The following GABRG3 variants were observed in gnomAD, a reference collection of about 807,000 sequenced individuals.
The protein encoded by GABRG3 is gamma-aminobutyric acid type A receptor subunit gamma3.
A neutral mutation model predicts 48.8 loss-of-function variants in GABRG3; 25 were observed. The ratio of observed to expected loss-of-function variants is 0.51; its 90% confidence interval spans 0.37 to 0.72. The LOEUF is 0.72. Among genes scored for constraint, GABRG3 ranks in the 30% least tolerant of loss-of-function variants. GABRG3 has a pLI of 0.00. For synonymous variants in GABRG3, 227 were observed against 217.6 expected (o/e 1.04, Z -0.38); for missense variants, 394 against 577.9 (o/e 0.68, Z 3.26).
At chr15:27,004,445 A>G (rs1000592324) in intron 2 of GABRG3, among the ~76,000 whole-genome samples, 12 of 147,650 alleles carry the variant, frequency 8.1e-5, no homozygotes, top group Non-Finnish European at 1.3e-4. Context: ...CCGGGCAGAG[A>G]CGCTCCCCAC....
intron 3 of GABRG3, among the ~76,000 whole-genome samples, chr15:27,040,633 C>T (rs1260780874): frequency 6.6e-6 from 1 of 152,242 alleles, no homozygotes; most frequent in East Asian, 1.9e-4. Flanking sequence ...CTCCCATCCT[C>T]TCTCATAATA....
chr15:27,350,545 G>C, intron 5 of GABRG3: 1 of 228,102 alleles, frequency 4.4e-6, no homozygotes, highest in Non-Finnish European at 8.9e-6. Flanking sequence ...TGGGAGAGCA[G>C]TTACCCACAG....
intron 3 of GABRG3, among the ~76,000 whole-genome samples, chr15:27,213,021 A>C (rs1469636252): frequency 6.6e-6 from 1 of 152,118 alleles, no homozygotes; most frequent in Non-Finnish European, 1.5e-5. Context: ...TACTTTAACA[A>C]TTCCTCTCTA....
In GABRG3 at chr15:27,319,208, A is replaced by G. The variant is rs1468555678; in HGVS notation, c.271-7601A>G. Among the ~76,000 whole-genome samples, 2 of 152,220 alleles carry G rather than the reference A, an allele frequency of 1.3e-5. No individual in the cohort carries two copies. Among genetic ancestry groups the G allele is most frequent in the Non-Finnish European group, 2.9e-5 (2 of 68,034 alleles). On this transcript the variant is annotated intron_variant, in intron 3 of 9. Transcript: ENST00000615808. This position sits in a 1 kb window ranked among gnomAD's most constrained non-coding sequence, Gnocchi z 4.4. ...AATTTTTATTTGTCAATTCTAGCTC[A>G]GTAAAGCCAGGGGGAAAAAAATGTC...
intron 3 of GABRG3, among the ~76,000 whole-genome samples, chr15:27,055,965 A>T (rs1323264141): frequency 6.6e-6 from 1 of 152,240 alleles, no homozygotes; most frequent in Non-Finnish European, 1.5e-5. Flanking sequence ...TGACACTTTG[A>T]TACATGTATA....
At chr15:27,480,845 T>C (rs1309025573) in intron 6 of GABRG3, 58 bp downstream of exon 6, 4 of 1,595,818 alleles carry the variant, frequency 2.5e-6, no homozygotes, top group South Asian at 2.3e-5. Context: ...TAAGGCCATA[T>C]GTAGTCATAT....
intron 3 of GABRG3, among the ~76,000 whole-genome samples, chr15:27,251,912 A>G (rs1890468847): frequency 6.6e-6 from 1 of 152,152 alleles, no homozygotes; most frequent in African/African-American, 2.4e-5. Context: ...TGCCACAGTC[A>G]GATGTGGCTC....
chr15:27,205,444 G>A (rs1036366816), intron 3 of GABRG3, among the ~76,000 whole-genome samples: 3 of 152,066 alleles, frequency 2.0e-5, no homozygotes, highest in Non-Finnish European at 2.9e-5. Context: ...ATGTGCTACT[G>A]GATTTGGTTT....
rs774261271 is a variant in GABRG3 at position 27,538,099 on chromosome 15, C to T, written c.*5218C>T. ...TCAGGTGATCCACCCGCCTTGGCCT[C>T]CCAAAGTACTGGGATTACAGGCGTG... On this transcript the variant is annotated 3_prime_UTR_variant, in exon 10 of 10. Transcript: ENST00000615808. The T allele has an allele frequency of 2.0e-5, 3 of 152,210 alleles. No individual in the cohort carries two copies. Among genetic ancestry groups the T allele is most frequent in the Admixed American group, 2.0e-4 (3 of 15,278 alleles). The allele number at this position is 152,210 out of a possible 1,614,324, so 9.4% of individuals were successfully genotyped here.
intron 2 of GABRG3, among the ~76,000 whole-genome samples, chr15:27,021,792 A>G (rs1439103657): frequency 6.6e-6 from 1 of 152,244 alleles, no homozygotes; most frequent in African/African-American, 2.4e-5. Context: ...GCAGCGAGCC[A>G]TGATTGCACC....
chr15:27,185,188 A>G (rs1024804994), intron 3 of GABRG3, among the ~76,000 whole-genome samples: 6 of 152,114 alleles, frequency 3.9e-5, no homozygotes, highest in Admixed American at 6.6e-5. Flanking sequence ...TTCTCTCTCA[A>G]CAATGCTTTA....
In GABRG3 at chr15:27,092,791, A is replaced by G. The variant is rs183079052; in HGVS notation, c.270+65970A>G. Among the ~76,000 whole-genome samples, 245 of 152,248 alleles carry G rather than the reference A, an allele frequency of 1.6e-3. 1 individual carries two copies. The highest frequency in any genetic ancestry group is 6.6e-3 in the East Asian group (34 of 5,170). ...TCGGTGTCTTTGTTTTACAAAATTA[A>G]GGAATGGAATTCACAGAAGTCCATC... On this transcript the variant is annotated intron_variant, in intron 3 of 9. Transcript: ENST00000615808.
intron 5 of GABRG3, among the ~76,000 whole-genome samples, chr15:27,417,579 G>A (rs1026121206): frequency 5.3e-5 from 8 of 152,106 alleles, no homozygotes; most frequent in East Asian, 1.9e-4. Context: ...ACAGCTCATC[G>A]GCCTTCACAG....
chr15:27,267,709 A>G (rs963444912), intron 3 of GABRG3, among the ~76,000 whole-genome samples: 6 of 152,130 alleles, frequency 3.9e-5, no homozygotes, highest in African/African-American at 1.2e-4. Context: ...TTCTATTTCT[A>G]GTTTACTGAG....
Position 27,274,278 on chromosome 15 carries a change from A to G in GABRG3, c.271-52531A>G, listed in dbSNP as rs112750609. 3.7e-4 allele frequency among the ~76,000 whole-genome samples: 57 copies of G among 152,260 alleles called. 1 individual carries two copies. Among genetic ancestry groups the G allele is most frequent in the African/African-American group, 1.3e-3 (53 of 41,556 alleles). The stretch of plus-strand genomic sequence containing the variant: ...TTTGCTTTTCTGTCTTAGTTTGTTT[A>G]GTGTTGCTGTAACACGACACCTGAG... On this transcript the variant is annotated intron_variant, in intron 3 of 9. Transcript: ENST00000615808.
intron 3 of GABRG3, among the ~76,000 whole-genome samples, chr15:27,325,758 G>A (rs1169126924): frequency 6.6e-6 from 1 of 152,128 alleles, no homozygotes; most frequent in African/African-American, 2.4e-5. Context: ...GAATGCATTA[G>A]TTAATGAAAG....
At chr15:27,136,939 C>G (rs1317986354) in intron 3 of GABRG3, among the ~76,000 whole-genome samples, 1 of 152,116 alleles carries the variant, frequency 6.6e-6, no homozygotes, top group Non-Finnish European at 1.5e-5. Flanking sequence ...TGTAACAACT[C>G]CCACTTGCCT....
chr15:27,533,307 A>ACC lies in GABRG3; in HGVS notation c.*429_*430dup, dbSNP rs1163625718. ...TAGTAGCACTCAGGAGTGTTGAATC[A>ACC]CCCCTGGCCGAGACCCACTCCTGCT... On this transcript the variant is annotated 3_prime_UTR_variant, in exon 10 of 10. Transcript: ENST00000615808. 6.0e-6 allele frequency: 1 copy of ACC among 166,852 alleles called. No individual in the cohort carries two copies. The highest frequency in any genetic ancestry group is 2.4e-5 in the African/African-American group (1 of 41,426). 10.3% of individuals were successfully genotyped at this position (166,852 alleles called of 1,614,324 possible). A position where few individuals can be genotyped will look rare whatever the true frequency, so the allele number is the denominator to read the frequency against.
intron 6 of GABRG3, among the ~76,000 whole-genome samples, chr15:27,489,442 A>C (rs2150848489): frequency 6.6e-6 from 1 of 152,324 alleles, no homozygotes; most frequent in South Asian, 2.1e-4. Context: ...TGGATCCTTG[A>C]GGAATCACCA....
Sources: gnomAD v4.1 joint callset for allele counts (sites outside exome capture counted in the v4.1 genomes callset) on GRCh38, gnomAD v4.1.1 for gene constraint, Gnocchi (gnomAD v3.1) non-coding constraint, MANE v1.5 for transcripts, NCBI Gene and HGNC (gene_info 2026-07-23, HGNC 2026-07-21) for gene names.